SLC5A10: variants seen among roughly 807,000 people sequenced by gnomAD.
The protein encoded by SLC5A10 is solute carrier family 5 member 10, also known as sodium/mannose cotransporter SLC5A10.
A neutral mutation model predicts 68.9 loss-of-function variants in SLC5A10; 55 were observed. That is an observed-to-expected ratio of 0.80 (90% CI 0.64 to 1.00). The LOEUF (loss-of-function observed/expected upper bound fraction) is 1.00. SLC5A10 is among the 50% of genes least tolerant of loss of function. SLC5A10 has a pLI of 0.00. For missense variants in SLC5A10, 732 were observed against 819.3 expected, an observed-to-expected ratio of 0.89 and a Z score of 1.30; for synonymous variants, 344 against 344.8, an observed-to-expected ratio of 1.00 and a Z score of 0.02.
chr17:18,981,749 T>C (rs2043138380), intron 9 of SLC5A10, among the ~76,000 whole-genome samples: 1 of 152,130 alleles, frequency 6.6e-6, no homozygotes, highest in African/African-American at 2.4e-5. Flanking sequence ...AAGCCTCTGC[T>C]CCCAGGGCCG....
intron 9 of SLC5A10, among the ~76,000 whole-genome samples, chr17:19,007,463 C>CT (rs1734505966): frequency 1.3e-5 from 2 of 152,112 alleles, no homozygotes; most frequent in Non-Finnish European, 2.9e-5. Context: ...AGTGCAGTGG[C>CT]TTAATGATAG....
At position 19,003,655 on chromosome 17, in the gene SLC5A10, C is replaced by T; in HGVS notation, c.983-9755C>T. 1 of 1,611,962 alleles carries T rather than the reference C, an allele frequency of 6.2e-7. No individual in the cohort carries two copies. The highest frequency in any genetic ancestry group is 8.5e-7 in the Non-Finnish European group (1 of 1,179,420). On this transcript the variant is annotated intron_variant, in intron 9 of 14. Coordinates refer to ENST00000395645, the MANE Select transcript of SLC5A10 (RefSeq NM_001042450.4). This position sits in a 1 kb window ranked among gnomAD's most constrained non-coding sequence, Gnocchi z 4.5. ...TGTCGGGCCAGCCCAGGTCCAGCTG[C>T]GGGATGGAGCGGTCCGACTTCTGGG...
intron 9 of SLC5A10, chr17:18,978,375 T>C (rs2043039779): frequency 1.3e-6 from 2 of 1,593,728 alleles, no homozygotes; most frequent in African/African-American, 2.7e-5. Context: ...GGGTCGATGA[T>C]ATTGATGTAG....
At chr17:18,961,813 G>A (rs528416154) in intron 5 of SLC5A10, among the ~76,000 whole-genome samples, 1 of 152,086 alleles carries the variant, frequency 6.6e-6, no homozygotes, top group Non-Finnish European at 1.5e-5. Flanking sequence ...GCATCCCCTC[G>A]GCAGCCTCAG....
At chr17:19,008,820 T>A (rs1305254252) in intron 9 of SLC5A10, among the ~76,000 whole-genome samples, 7 of 148,182 alleles carry the variant, frequency 4.7e-5, no homozygotes, top group South Asian at 4.3e-4. Flanking sequence ...ATTATTTTTT[T>A]TTTTTTTTTT....
At chr17:18,962,610 T>C (rs935165009) in intron 5 of SLC5A10, among the ~76,000 whole-genome samples, 1 of 151,808 alleles carries the variant, frequency 6.6e-6, no homozygotes, top group Admixed American at 6.6e-5. Flanking sequence ...TTGTAAGAGG[T>C]TGAAGTGCCC....
chr17:18,973,510 C>T (rs1028853575), intron 8 of SLC5A10, among the ~76,000 whole-genome samples: 1 of 152,168 alleles, frequency 6.6e-6, no homozygotes, highest in Non-Finnish European at 1.5e-5. Flanking sequence ...TGCGGGGCCT[C>T]GGTCCAGAAA....
intron 1 of SLC5A10, among the ~76,000 whole-genome samples, chr17:18,953,291 C>G (rs1303898383): frequency 1.3e-5 from 2 of 152,056 alleles, no homozygotes; most frequent in Non-Finnish European, 1.5e-5. Context: ...CACTACCACA[C>G]CCAGGTAATG....
At position 18,961,256 on chromosome 17, in the gene SLC5A10, C is replaced by T. The variant is rs568043576; in HGVS notation, c.453+604C>T. The stretch of plus-strand genomic sequence containing the variant: ...GGGAAAGAGCTTGTCCTAACCCTCC[C>T]GGTGACCTCATGGCAACACTAGGCC... On this transcript the variant is annotated intron_variant, in intron 5 of 14. Transcript: ENST00000395645. Among the ~76,000 whole-genome samples, 19 of 152,288 alleles carry T rather than the reference C, an allele frequency of 1.2e-4. No individual in the cohort carries two copies. The East Asian group carries it at 3.1e-3, about 25-fold the overall frequency.
chr17:19,010,893 T>C (rs2043999435), intron 9 of SLC5A10, among the ~76,000 whole-genome samples: 1 of 152,012 alleles, frequency 6.6e-6, no homozygotes. Context: ...GGGGTAGAGG[T>C]GGTAGGGTAG....
rs1362718275 is a variant in SLC5A10, at chr17:19,022,158, A to T, written c.*1727A>T. On this transcript the variant is annotated 3_prime_UTR_variant, in exon 15 of 15. Transcript: ENST00000395645. ...GGCCCCAGGTGACTGCAAGAAGAGG[A>T]GGTGGTTAGTAGGGTGCCTTCAGAA... 2 of 1,428,602 alleles carry T rather than the reference A, an allele frequency of 1.4e-6. No homozygotes were observed. Among genetic ancestry groups the T allele is most frequent in the African/African-American group, 1.5e-5 (1 of 67,848 alleles). The allele number at this position is 1,428,602 out of a possible 1,614,324, so 88.5% of individuals were successfully genotyped here.
At chr17:18,961,225 A>G (rs2042608128) in intron 5 of SLC5A10, among the ~76,000 whole-genome samples, 1 of 152,216 alleles carries the variant, frequency 6.6e-6, no homozygotes, top group Admixed American at 6.5e-5. Flanking sequence ...ACTAAGGCCC[A>G]GAGAAGGGAA....
intron 9 of SLC5A10, among the ~76,000 whole-genome samples, chr17:18,990,764 C>G (rs773834695): frequency 1.3e-5 from 2 of 151,062 alleles, no homozygotes; most frequent in Admixed American, 1.3e-4. Flanking sequence ...GTAACAGGCA[C>G]GAGCTTATGC....
intron 9 of SLC5A10, among the ~76,000 whole-genome samples, chr17:18,998,525 C>T (rs1482334633): frequency 6.6e-6 from 1 of 152,240 alleles, no homozygotes; most frequent in Non-Finnish European, 1.5e-5. Context: ...GTGATATGAA[C>T]ATGACGGCAG....
intron 9 of SLC5A10, among the ~76,000 whole-genome samples, chr17:18,990,480 C>T (rs1284504987): frequency 6.6e-6 from 1 of 152,334 alleles, no homozygotes; most frequent in African/African-American, 2.4e-5. Context: ...AATGAGGGCG[C>T]AGTAGGCATG....
chr17:19,013,228 T>C, intron 9 of SLC5A10, 182 bp from the exon 10 acceptor site: 1 of 900,956 alleles, frequency 1.1e-6, no homozygotes, highest in Non-Finnish European at 1.6e-6. Flanking sequence ...GGAAAAGGAT[T>C]TTCAGAGGCC....
intron 9 of SLC5A10, among the ~76,000 whole-genome samples, chr17:18,981,180 G>C (rs1167071369): frequency 6.6e-6 from 1 of 152,202 alleles, no homozygotes; most frequent in Non-Finnish European, 1.5e-5. Context: ...GATCGCAGAG[G>C]AGTAGCCTGA....
Position 18,952,213 on chromosome 17 carries a change from C to T in SLC5A10, c.8C>T (p.Ala3Val), listed in dbSNP as rs767559462. Residue 3 changes from alanine to valine, a missense_variant, in exon 1 of 15, where the codon GCC (alanine) becomes GTC (valine). Ala to Val is a moderately conservative substitution (Grantham distance 64). Coordinates refer to ENST00000395645, the MANE Select transcript of SLC5A10 (RefSeq NM_001042450.4). MA[A>V]NSTSDLHTPG... is the part of the protein sequence containing the mutation. ...GCCTGCGGCAGGACAGCCATGGCCG[C>T]CAACTCCACCAGCGACCTCCACACT... 1.9e-6 allele frequency: 3 copies of T among 1,612,690 alleles called. No individual in the cohort carries two copies. In the Admixed American group the frequency reaches 5.0e-5, roughly 27 times the overall value.
chr17:19,009,314 C>G (rs2043965285), intron 9 of SLC5A10, among the ~76,000 whole-genome samples: 1 of 152,166 alleles, frequency 6.6e-6, no homozygotes, highest in Non-Finnish European at 1.5e-5. Flanking sequence ...ACCTCAGCCT[C>G]CCGAATAGCT....
Sources: gnomAD v4.1 joint callset for allele counts (sites outside exome capture counted in the v4.1 genomes callset) on GRCh38, gnomAD v4.1.1 for gene constraint, Gnocchi (gnomAD v3.1) non-coding constraint, MANE v1.5 for transcripts, NCBI Gene and HGNC (gene_info 2026-07-23, HGNC 2026-07-21) for gene names.